Variants in CDKN2A observed in about 807,000 individuals in gnomAD.
CDKN2A encodes the protein cyclin-dependent kinase inhibitor 2A.
Under a neutral mutation model 11.1 loss-of-function variants are expected in CDKN2A, and 3 were observed. The observed-to-expected ratio is 0.27, with a 90% CI of 0.12 to 0.70. The LOEUF (loss-of-function observed/expected upper bound fraction) is 0.70. Ranked by LOEUF, CDKN2A falls within the 30% of genes least tolerant of loss-of-function variation. The pLI is 0.77. For synonymous variants in CDKN2A, 122 were observed against 108.1 expected (o/e 1.13, Z -0.80); for missense variants, 265 against 233.6 (o/e 1.13, Z -0.88).
chr9:21,969,276 T>A (rs2131084578), intron 2 of CDKN2A, among the ~76,000 whole-genome samples: 1 of 152,122 alleles, frequency 6.6e-6, no homozygotes, highest in South Asian at 2.1e-4. Flanking sequence ...TGGTCCCAGC[T>A]AGTCGGGAGG....
intron 1 of CDKN2A, among the ~76,000 whole-genome samples, chr9:21,972,336 T>C (rs779343624): frequency 6.6e-6 from 1 of 152,176 alleles, no homozygotes; most frequent in Non-Finnish European, 1.5e-5. Context: ...ATTTAATTAA[T>C]GGTCTTGAGG....
chr9:21,994,102 C>G lies in CDKN2A; in HGVS notation c.-175-49G>C, dbSNP rs116512824. 3.9e-4 allele frequency: 624 copies of G among 1,587,988 alleles called. 3 individuals are homozygous for G. The African/African-American group carries it at 7.0e-3, about 18-fold the overall frequency. Reference sequence around the variant, plus strand: ...GAAATCACACCAAACAAAACAAGTGCCGAATGCGCCCCGGACTTTTCGAGG... The same window carrying G: ...GAAATCACACCAAACAAAACAAGTGGCGAATGCGCCCCGGACTTTTCGAGG... On this transcript the variant is annotated intron_variant, in intron 1 of 3. Coordinates refer to the CDKN2A transcript ENST00000494262.
upstream of CDKN2A, among the ~76,000 whole-genome samples, chr9:21,978,513 T>C (rs1236155421): frequency 6.6e-6 from 1 of 152,232 alleles, no homozygotes; most frequent in Non-Finnish European, 1.5e-5. Context: ...TGATAATGTA[T>C]GTCCAAAAGC....
At chr9:21,977,914 A>T (rs779244812), upstream of CDKN2A, among the ~76,000 whole-genome samples, 54 of 152,262 alleles carry the variant, frequency 3.5e-4, no homozygotes, top group Non-Finnish European at 6.9e-4. Context: ...CTATTGGTGA[A>T]GAAGATGGGA....
At chr9:21,978,292 A>G (rs1240499987), upstream of CDKN2A, among the ~76,000 whole-genome samples, 4 of 152,098 alleles carry the variant, frequency 2.6e-5, no homozygotes, top group Middle Eastern at 6.8e-3. Context: ...AAAAAATATT[A>G]TGTAAATAAT....
chr9:21,974,719 G>A lies in CDKN2A; in HGVS notation c.109C>T (p.Leu37=). 6.2e-7 allele frequency: 1 copy of A among 1,610,696 alleles called. No homozygotes were observed. Among genetic ancestry groups the A allele is most frequent in the South Asian group, 1.1e-5 (1 of 91,058 alleles). Residue 37 remains leucine (L), a synonymous_variant, in exon 1 of 3, where the codon CTG becomes TTG. Coordinates refer to ENST00000304494, the MANE Select transcript of CDKN2A (RefSeq NM_000077.5). This position sits in a 1 kb window ranked among gnomAD's most constrained non-coding sequence, Gnocchi z 5.2. ...CCGTAACTATTCGGTGCGTTGGGCAGCGCCCCCGCCTCCAGCAGCGCCCGC... is the reference window on the plus strand; with the variant it reads ...CCGTAACTATTCGGTGCGTTGGGCAACGCCCCCGCCTCCAGCAGCGCCCGC... ...EVRALLEAGA[L]PNAPNSYGRR... is the part of the protein sequence containing the mutation.
rs556513333 is a variant in CDKN2A, at chr9:21,990,083, A to G, written c.-4+3799T>C. 34 of 152,394 alleles carry G rather than the reference A, an allele frequency of 2.2e-4. No homozygotes were observed. The South Asian group carries it at 6.8e-3, about 31-fold the overall frequency. The allele number at this position is 152,394 out of a possible 1,614,324, so 9.4% of individuals were successfully genotyped here. A position where few individuals can be genotyped will look rare whatever the true frequency, so the allele number is the denominator to read the frequency against. On this transcript the variant is annotated intron_variant, in intron 2 of 3. Coordinates refer to the CDKN2A transcript ENST00000494262. ...GCTCTTTCGGGTCCAGGGCCCTTGCACCCCCAGCGTGGCTCCGGAGGCGGC... is the reference window on the plus strand; with the variant it reads ...GCTCTTTCGGGTCCAGGGCCCTTGCGCCCCCAGCGTGGCTCCGGAGGCGGC...
rs1362535296 is a variant in CDKN2A at position 21,974,015 on chromosome 9, C to T, written c.150+663G>A. ...AAGCGATTCTCCTGCCTCAACCTCC[C>T]GAGTAGCTGGGATTACAGGCGCCTG... On this transcript the variant is annotated intron_variant, in intron 1 of 2. Transcript: ENST00000304494. The surrounding 1 kb of genome is among the most constrained non-coding windows in gnomAD (Gnocchi z 5.2). Among the ~76,000 whole-genome samples, 6 of 152,078 alleles carry T rather than the reference C, an allele frequency of 3.9e-5. No individual in the cohort carries two copies. Among genetic ancestry groups the T allele is most frequent in the Admixed American group, 1.3e-4 (2 of 15,262 alleles).
In CDKN2A at chr9:21,981,053, T is replaced by C. The variant is rs58876895; in HGVS notation, c.-3-9845A>G. ...ATATATATACGTGTATATATATATA[T>C]ACGTGTATATATATATACGTGTATA... On this transcript the variant is annotated intron_variant, in intron 2 of 3. Transcript: ENST00000494262. Among the ~76,000 whole-genome samples the C allele has an allele frequency of 0.026, 67 of 2,596 alleles. 26 individuals are homozygous for C. In the East Asian group the frequency reaches 0.27, roughly 10 times the overall value. The allele number at this position is 2,596 out of a possible 152,430, so 1.7% of individuals were successfully genotyped here. A position where few individuals can be genotyped will look rare whatever the true frequency, so the allele number is the denominator to read the frequency against.
In CDKN2A at chr9:21,974,284, T is replaced by C; in HGVS notation, c.150+394A>G. 1.5e-6 allele frequency: 1 copy of C among 671,340 alleles called. No individual in the cohort carries two copies. The highest frequency in any genetic ancestry group is 2.3e-6 in the Non-Finnish European group (1 of 439,956). The allele number at this position is 671,340 out of a possible 1,614,324, so 41.6% of individuals were successfully genotyped here. ...TGATAATCCCTCCTAGTAAGAAAGATAAGCTCCATCCAGGTATCTGTGAAT... is the reference window on the plus strand; with the variant it reads ...TGATAATCCCTCCTAGTAAGAAAGACAAGCTCCATCCAGGTATCTGTGAAT... On this transcript the variant is annotated intron_variant, in intron 1 of 2. Transcript: ENST00000304494. This position sits in a 1 kb window ranked among gnomAD's most constrained non-coding sequence, Gnocchi z 5.2.
At chr9:21,973,134 A>G (rs1160957842) in intron 1 of CDKN2A, among the ~76,000 whole-genome samples, 1 of 152,168 alleles carries the variant, frequency 6.6e-6, no homozygotes, top group Non-Finnish European at 1.5e-5. Context: ...TTGGTCATAA[A>G]ACTAGCCTTA....
upstream of CDKN2A, among the ~76,000 whole-genome samples, chr9:21,975,416 TGA>T (rs1399158733): frequency 4.6e-5 from 7 of 151,968 alleles, no homozygotes; most frequent in African/African-American, 1.7e-4. Context: ...TTCCTAGTTG[TGA>T]GAGCCCCACC....
At chr9:21,972,813 A>G (rs1300904419) in intron 1 of CDKN2A, among the ~76,000 whole-genome samples, 1 of 152,206 alleles carries the variant, frequency 6.6e-6, no homozygotes, top group Admixed American at 6.5e-5. Context: ...TGAGTGCTGC[A>G]TGGTGGAAGT....
At chr9:21,971,300 C>T (rs1338483675) in intron 1 of CDKN2A, 92 bp from the exon 2 acceptor site, 3 of 1,535,264 alleles carry the variant, frequency 2.0e-6, no homozygotes, top group South Asian at 2.4e-5. Flanking sequence ...CCAAGCAGAC[C>T]CCCACACAAG....
intron 2 of CDKN2A, among the ~76,000 whole-genome samples, chr9:21,989,008 T>C (rs546878619): frequency 6.6e-6 from 1 of 152,362 alleles, no homozygotes; most frequent in South Asian, 2.1e-4. Flanking sequence ...CTAGCAATAC[T>C]ATTGGTTTTG....
intron 1 of CDKN2A, among the ~76,000 whole-genome samples, chr9:21,973,146 A>G (rs1057255280): frequency 2.0e-5 from 3 of 152,174 alleles, no homozygotes; most frequent in African/African-American, 7.2e-5. Context: ...CTAGCCTTAA[A>G]GGTTTTTCTT....
Position 21,994,218 on chromosome 9 carries a change from C to T in CDKN2A, c.-175-165G>A. On this transcript the variant is annotated intron_variant, in intron 1 of 3. Coordinates refer to the CDKN2A transcript ENST00000494262. ...GCACGAGGGCCACAGCGGCGGGCGC[C>T]CCTGGCGCTGCCCACTCCCCCGTGA... 6.2e-7 allele frequency: 1 copy of T among 1,605,964 alleles called. No individual in the cohort carries two copies. Among genetic ancestry groups the T allele is most frequent in the Non-Finnish European group, 8.5e-7 (1 of 1,179,612 alleles).
At chr9:21,982,896 A>G (rs1313300507) in intron 2 of CDKN2A, among the ~76,000 whole-genome samples, 1 of 152,012 alleles carries the variant, frequency 6.6e-6, no homozygotes, top group Non-Finnish European at 1.5e-5. Context: ...AGAGTGCTTA[A>G]GTAATAAGGA....
chr9:21,990,611 T>TGAGAGAGA (rs60431211), intron 2 of CDKN2A, among the ~76,000 whole-genome samples: 2,721 of 89,668 alleles, frequency 0.03, 173 homozygotes, highest in South Asian at 0.044. Context: ...ACTAATTTGG[T>TGAGAGAGA]GAGAGAGAGA....
Sources: allele counts gnomAD v4.1 joint callset (sites outside exome capture counted in the v4.1 genomes callset), GRCh38; gene constraint gnomAD v4.1.1; non-coding constraint Gnocchi (gnomAD v3.1); transcripts MANE v1.5; gene names NCBI Gene and HGNC (gene_info 2026-07-23, HGNC 2026-07-21).